SLC24A2: variants seen among roughly 807,000 people sequenced by gnomAD.
SLC24A2 encodes the protein sodium/potassium/calcium exchanger 2.
A neutral mutation model predicts 62.0 loss-of-function variants in SLC24A2; 36 were observed. The observed-to-expected ratio is 0.58, with a 90% CI of 0.44 to 0.77. SLC24A2 has a LOEUF of 0.77. SLC24A2 is among the 30% of genes least tolerant of loss of function. The pLI is 0.00. For synonymous variants in SLC24A2, 358 were observed against 294.0 expected (o/e 1.22, Z -2.23); for missense variants, 846 against 817.9 (o/e 1.03, Z -0.42).
the SLC24A2 span, among the ~76,000 whole-genome samples, chr9:20,168,523 C>T: frequency 3.3e-5 from 5 of 151,440 alleles, no homozygotes; most frequent in African/African-American, 1.2e-4. Context: ...GGAAGTAATC[C>T]AATTCAAAAT....
chr9:19,902,627 C>T, the SLC24A2 span, among the ~76,000 whole-genome samples: 2 of 152,088 alleles, frequency 1.3e-5, no homozygotes, highest in Non-Finnish European at 2.9e-5. Context: ...AAGGCTCATT[C>T]TGGAAGAGGA....
intron 2 of SLC24A2, among the ~76,000 whole-genome samples, chr9:19,757,250 T>C (rs929798932): frequency 6.6e-6 from 1 of 152,250 alleles, no homozygotes; most frequent in East Asian, 1.9e-4. Context: ...TGGGGATTGT[T>C]GTGTATTTAA....
chr9:20,063,985 C>T, the SLC24A2 span, among the ~76,000 whole-genome samples: 1 of 152,084 alleles, frequency 6.6e-6, no homozygotes, highest in African/African-American at 2.4e-5. Context: ...TAAGAATCTA[C>T]CTGAGAAATA....
At chr9:20,096,117 G>A in the SLC24A2 span, among the ~76,000 whole-genome samples, 6 of 150,282 alleles carry the variant, frequency 4.0e-5, no homozygotes, top group Admixed American at 6.7e-5. Flanking sequence ...CCGTCCGTCC[G>A]TCCGTCCATC....
intron 2 of SLC24A2, among the ~76,000 whole-genome samples, chr9:19,642,977 G>A (rs1818544994): frequency 1.4e-5 from 2 of 138,694 alleles, no homozygotes; most frequent in Admixed American, 1.5e-4. Context: ...ACCGTGCCTG[G>A]CCAGTATTCT....
chr9:19,704,179 G>A (rs1338870903), intron 2 of SLC24A2, among the ~76,000 whole-genome samples: 3 of 152,254 alleles, frequency 2.0e-5, no homozygotes, highest in South Asian at 2.1e-4. Context: ...AGTAGGTCTG[G>A]GGGAGCGCCT....
At chr9:20,217,167 A>G in the SLC24A2 span, among the ~76,000 whole-genome samples, 65 of 152,334 alleles carry the variant, frequency 4.3e-4, no homozygotes, top group African/African-American at 1.4e-3. Context: ...TACACTCAAC[A>G]TATGTCATAC....
chr9:19,883,812 A>G, the SLC24A2 span, among the ~76,000 whole-genome samples: 48 of 152,150 alleles, frequency 3.2e-4, no homozygotes, highest in East Asian at 3.9e-3. Context: ...TGATCCGCCC[A>G]CCTTGGCCTC....
chr9:19,609,967 C>T (rs1053509215), intron 4 of SLC24A2, among the ~76,000 whole-genome samples: 1 of 152,216 alleles, frequency 6.6e-6, no homozygotes, highest in South Asian at 2.1e-4. Flanking sequence ...GGCGGTCATG[C>T]TCACCCACTG....
At chr9:19,603,541 G>A (rs546650310) in intron 4 of SLC24A2, among the ~76,000 whole-genome samples, 1 of 151,736 alleles carries the variant, frequency 6.6e-6, no homozygotes, top group Non-Finnish European at 1.5e-5. Flanking sequence ...GCTTCTGTAA[G>A]CCACACTCAC....
At chr9:20,185,566 G>A in the SLC24A2 span, among the ~76,000 whole-genome samples, 1 of 151,166 alleles carries the variant, frequency 6.6e-6, no homozygotes, top group Non-Finnish European at 1.5e-5. Flanking sequence ...TCGGGAGGCT[G>A]AGGCAGGAGA....
chr9:19,942,056 TTTGG>T, the SLC24A2 span, among the ~76,000 whole-genome samples: 1 of 152,210 alleles, frequency 6.6e-6, no homozygotes, highest in African/African-American at 2.4e-5. Context: ...GACTCTTCAC[TTTGG>T]TTGGCATTTT....
chr9:20,045,853 C>A, the SLC24A2 span, among the ~76,000 whole-genome samples: 5 of 152,098 alleles, frequency 3.3e-5, no homozygotes, highest in Non-Finnish European at 5.9e-5. Flanking sequence ...GTGAGAAAAT[C>A]AAGGTGTGAG....
At chr9:19,795,543 T>G in the SLC24A2 span, among the ~76,000 whole-genome samples, 1 of 152,218 alleles carries the variant, frequency 6.6e-6, no homozygotes, top group Admixed American at 6.5e-5. Flanking sequence ...AGAACCATAT[T>G]CAAAGGTTTT....
At chr9:19,853,535 C>T in the SLC24A2 span, among the ~76,000 whole-genome samples, 8 of 152,194 alleles carry the variant, frequency 5.3e-5, no homozygotes, top group Admixed American at 1.3e-4. Context: ...TGAATTTTAT[C>T]GAAGGACCTT....
At chr9:20,003,211 C>T in the SLC24A2 span, among the ~76,000 whole-genome samples, 2 of 152,128 alleles carry the variant, frequency 1.3e-5, no homozygotes, top group Non-Finnish European at 2.9e-5. Context: ...CACTTGAACA[C>T]GTAACACACT....
chr9:20,125,251 T>C, the SLC24A2 span, among the ~76,000 whole-genome samples: 2 of 152,130 alleles, frequency 1.3e-5, no homozygotes, highest in Non-Finnish European at 2.9e-5. Context: ...ATACTCAATT[T>C]TTAGAACTCC....
the SLC24A2 span, among the ~76,000 whole-genome samples, chr9:19,825,009 G>A: frequency 2.0e-5 from 3 of 152,048 alleles, no homozygotes; most frequent in Non-Finnish European, 2.9e-5. Context: ...ATCACACACC[G>A]GGCCTATCAG....
chr9:20,138,906 GTC>G, the SLC24A2 span, among the ~76,000 whole-genome samples: 1 of 152,144 alleles, frequency 6.6e-6, no homozygotes, highest in South Asian at 2.1e-4. Flanking sequence ...CCAATTCAAA[GTC>G]TCTGCCTTTC....
Sources: gnomAD v4.1 joint callset for allele counts (sites outside exome capture counted in the v4.1 genomes callset) on GRCh38, gnomAD v4.1.1 for gene constraint, MANE v1.5 for transcripts, NCBI Gene and HGNC (gene_info 2026-07-23, HGNC 2026-07-21) for gene names.